The following NAA25 variants were observed in gnomAD, a reference collection of about 807,000 sequenced individuals.
The protein encoded by NAA25 is N-terminal acetyltransferase B complex subunit NAA25.
Under a neutral mutation model 132.5 loss-of-function variants are expected in NAA25, and 30 were observed. The ratio of observed to expected loss-of-function variants is 0.23; its 90% CI spans 0.17 to 0.31. The LOEUF (loss-of-function observed/expected upper bound fraction) is 0.31, where lower values mean the gene tolerates loss of function less well. Ranked by LOEUF, NAA25 falls within the 10% of genes least tolerant of loss-of-function variation. NAA25 has a pLI of 1.00. For synonymous variants in NAA25, 359 were observed against 401.9 expected (o/e 0.89, Z 1.28); for missense variants, 771 against 1,150.4 (o/e 0.67, Z 4.77).
chr12:112,073,936 A>C (rs1045258765), intron 9 of NAA25, among the ~76,000 whole-genome samples: 3 of 152,170 alleles, frequency 2.0e-5, no homozygotes, highest in East Asian at 3.8e-4. Flanking sequence ...AATGAAAGAG[A>C]TCTACATGTA....
In NAA25 at chr12:112,061,308, A is replaced by G; in HGVS notation, c.1230T>C (p.Ala410=). The G allele has an allele frequency of 6.2e-7, 1 of 1,614,158 alleles. No individual in the cohort carries two copies. The highest frequency in any genetic ancestry group is 1.1e-5 in the South Asian group (1 of 91,084). The change falls in exon 12 of 24, where the codon GCT becomes GCC. Residue 410 remains alanine, a synonymous_variant. Coordinates refer to ENST00000261745, the MANE Select transcript of NAA25 (RefSeq NM_024953.4). ...GCACCACACACAAATGTTGCTGCAG[A>G]GCTCTGATGTCAGCAGGCAGTGCCA... is the stretch of plus-strand genomic sequence containing the variant. ...DKLALPADIR[A]LQQHLCVVQL...
In NAA25 at chr12:112,086,963, G is replaced by A. The variant is rs367960547; in HGVS notation, c.402+720C>T. Among the ~76,000 whole-genome samples the A allele has an allele frequency of 6.1e-3, 854 of 139,996 alleles. 11 individuals carry two copies. Among genetic ancestry groups the A allele is most frequent in the African/African-American group, 0.022 (806 of 37,092 alleles). 91.8% of individuals were successfully genotyped at this position (139,996 alleles called of 152,430 possible). On this transcript the variant is annotated intron_variant, in intron 4 of 23. Coordinates refer to ENST00000261745, the MANE Select transcript of NAA25 (RefSeq NM_024953.4). Reference sequence around the variant, plus strand: ...GCAGAGGTTGCAGTGAGCCAAGATCGCACCATTGCACTCCAGCCTGGGCAA... The same window carrying A: ...GCAGAGGTTGCAGTGAGCCAAGATCACACCATTGCACTCCAGCCTGGGCAA...
intron 4 of NAA25, among the ~76,000 whole-genome samples, chr12:112,086,131 TATA>T (rs1318844551): frequency 1.4e-5 from 2 of 138,696 alleles, no homozygotes; most frequent in African/African-American, 5.4e-5. Context: ...TTTTAAAAAT[TATA>T]ATGTCTAAAT....
chr12:112,042,786 C>A (rs1285453152), intron 19 of NAA25, among the ~76,000 whole-genome samples: 1 of 152,198 alleles, frequency 6.6e-6, no homozygotes, highest in Admixed American at 6.5e-5. Context: ...GGATTACAGG[C>A]GTGAGCCACT....
At chr12:112,089,972 C>T (rs1159392014) in intron 3 of NAA25, among the ~76,000 whole-genome samples, 2 of 151,310 alleles carry the variant, frequency 1.3e-5, no homozygotes, top group Non-Finnish European at 2.9e-5. Flanking sequence ...GCTGGGATTA[C>T]AGGCGTGCAC....
chr12:112,094,240 C>CA (rs199734463), intron 1 of NAA25, among the ~76,000 whole-genome samples: 6,859 of 68,278 alleles, frequency 0.1, 775 homozygotes, highest in East Asian at 0.49. Context: ...GACTCTGTCT[C>CA]AAAAAAAAAA....
chr12:112,072,898 C>T (rs2078835628), intron 9 of NAA25, among the ~76,000 whole-genome samples: 1 of 151,900 alleles, frequency 6.6e-6, no homozygotes. Context: ...AAGATTACAC[C>T]ACTGCACTCC....
chr12:112,053,666 G>T lies in NAA25; in HGVS notation c.1629-9C>A. Reference sequence around the variant, plus strand: ...ATCGGGTCAAAAGATAACTAGATCAGAAGGAAAGAAGGAAAAAAAAAGACA... The same window carrying T: ...ATCGGGTCAAAAGATAACTAGATCATAAGGAAAGAAGGAAAAAAAAAGACA... On this transcript the variant is annotated splice_polypyrimidine_tract_variant and intron_variant, in intron 14 of 23. Coordinates refer to ENST00000261745, the MANE Select transcript of NAA25 (RefSeq NM_024953.4). 1 of 1,562,796 alleles carries T rather than the reference G, an allele frequency of 6.4e-7. No individual in the cohort carries two copies. Among genetic ancestry groups the T allele is most frequent in the Non-Finnish European group, 8.8e-7 (1 of 1,141,164 alleles).
At chr12:112,032,601 CCTT>C (rs1159423020) in intron 23 of NAA25, among the ~76,000 whole-genome samples, 1 of 152,214 alleles carries the variant, frequency 6.6e-6, no homozygotes, top group Non-Finnish European at 1.5e-5. Flanking sequence ...CCACCACTGT[CCTT>C]CTTGCCCCTA....
intron 1 of NAA25, among the ~76,000 whole-genome samples, chr12:112,101,768 CA>C (rs551338644): frequency 1.4e-4 from 20 of 140,808 alleles, no homozygotes; most frequent in African/African-American, 3.1e-4. Context: ...AAAAATCTAT[CA>C]AAAAAAAAAG....
intron 19 of NAA25, 32 bp downstream of exon 19, chr12:112,043,056 A>G: frequency 6.4e-7 from 1 of 1,554,730 alleles, no homozygotes; most frequent in Non-Finnish European, 8.7e-7. Context: ...TTTCTATGAC[A>G]AAGACCCTAT....
At position 112,078,822 on chromosome 12, in the gene NAA25, A is replaced by AT. The variant is rs2136903345; in HGVS notation, c.478-82dup. Reference sequence around the variant, plus strand: ...ATTAACATTACTGTTAATTGGGCACATAATTATCAATCCACCATGTCAAAT... The same window carrying AT: ...ATTAACATTACTGTTAATTGGGCACATTAATTATCAATCCACCATGTCAAAT... On this transcript the variant is annotated intron_variant, in intron 5 of 23. Coordinates refer to ENST00000261745, the MANE Select transcript of NAA25 (RefSeq NM_024953.4). 3.7e-6 allele frequency: 4 copies of AT among 1,070,192 alleles called. No homozygotes were observed. In the South Asian group the frequency reaches 5.7e-5, roughly 15 times the overall value. The allele number at this position is 1,070,192 out of a possible 1,614,324, so 66.3% of individuals were successfully genotyped here.
chr12:112,069,360 TG>T, intron 10 of NAA25, among the ~76,000 whole-genome samples: 1 of 151,910 alleles, frequency 6.6e-6, no homozygotes, highest in East Asian at 1.9e-4. Context: ...AAAAATTAGC[TG>T]GGCGTGGCAG....
intron 9 of NAA25, among the ~76,000 whole-genome samples, 164 bp downstream of exon 9, chr12:112,074,511 T>G (rs1278566512): frequency 1.3e-5 from 2 of 152,184 alleles, no homozygotes; most frequent in Non-Finnish European, 2.9e-5. Context: ...ATTTTTAGAA[T>G]GAACTTGTGT....
chr12:112,107,663 C>G (rs924414705), intron 1 of NAA25, among the ~76,000 whole-genome samples: 1 of 152,052 alleles, frequency 6.6e-6, no homozygotes, highest in Non-Finnish European at 1.5e-5. Context: ...AAAACGATTC[C>G]CACCTTGGAG....
chr12:112,095,436 A>G (rs1307374087), intron 1 of NAA25, among the ~76,000 whole-genome samples: 4 of 126,154 alleles, frequency 3.2e-5, no homozygotes, highest in Non-Finnish European at 4.6e-5. Flanking sequence ...GACTCCGTCT[A>G]AAAAAAAAAA....
intron 22 of NAA25, among the ~76,000 whole-genome samples, chr12:112,036,912 A>G (rs2078231385): frequency 6.6e-6 from 1 of 151,914 alleles, no homozygotes; most frequent in South Asian, 2.1e-4. Context: ...TGTGCATAAA[A>G]ACGCTGTCTA....
intron 5 of NAA25, among the ~76,000 whole-genome samples, chr12:112,079,750 G>A (rs1482530908): frequency 6.6e-6 from 1 of 152,106 alleles, no homozygotes; most frequent in East Asian, 1.9e-4. Context: ...TGGGAGAAAA[G>A]TGTCTCCTTT....
chr12:112,101,688 C>T (rs558065639), intron 1 of NAA25, among the ~76,000 whole-genome samples: 27 of 151,638 alleles, frequency 1.8e-4, no homozygotes, highest in African/African-American at 3.1e-4. Flanking sequence ...ATCCAGGAGG[C>T]GGAGGTTGCA....
Sources: allele counts gnomAD v4.1 joint callset (sites outside exome capture counted in the v4.1 genomes callset), GRCh38; gene constraint gnomAD v4.1.1; transcripts MANE v1.5; gene names NCBI Gene and HGNC (gene_info 2026-07-23, HGNC 2026-07-21).